PCAT7: variants seen among roughly 807,000 people sequenced by gnomAD.
PCAT7 encodes prostate cancer associated transcript 7 (non-protein coding).
chr9:94,567,605 G>A lies in PCAT7; in HGVS notation n.442-5374G>A, dbSNP rs1827210323. The A allele has an allele frequency of 2.0e-5, 11 of 560,092 alleles. 1 individual carries two copies. In the East Asian group the frequency reaches 3.1e-4, roughly 16 times the overall value. The allele number at this position is 560,092 out of a possible 1,614,324, so 34.7% of individuals were successfully genotyped here. ...GGACCATATGGAGCCCACACAGGAAGCTCTAGCAGTAACACAGCAAGCAGG... is the reference window on the plus strand; with the variant it reads ...GGACCATATGGAGCCCACACAGGAAACTCTAGCAGTAACACAGCAAGCAGG... On this transcript the variant is annotated intron_variant and non_coding_transcript_variant, in intron 2 of 8. Coordinates refer to ENST00000647389, the Ensembl canonical transcript of PCAT7.
upstream of PCAT7, chr9:94,554,913 T>A (rs1478542925): frequency 6.6e-6 from 1 of 152,302 alleles, no homozygotes; most frequent in Admixed American, 6.5e-5. Flanking sequence ...CTCAGCATGC[T>A]TTATATACTG....
intron 2 of PCAT7, among the ~76,000 whole-genome samples, chr9:94,566,475 T>A (rs1373209893): frequency 6.6e-6 from 1 of 152,274 alleles, no homozygotes; most frequent in East Asian, 1.9e-4. Flanking sequence ...CATCCCTTCC[T>A]TTCCCATAAG....
chr9:94,572,090 G>GT (rs1290179071), intron 2 of PCAT7, among the ~76,000 whole-genome samples: 1 of 152,148 alleles, frequency 6.6e-6, no homozygotes, highest in African/African-American at 2.4e-5. Context: ...AACTCGCCCA[G>GT]CAGCAGGAAG....
At chr9:94,560,804 T>C (rs911859818) in intron 2 of PCAT7, among the ~76,000 whole-genome samples, 1 of 149,940 alleles carries the variant, frequency 6.7e-6, no homozygotes, top group African/African-American at 2.4e-5. Flanking sequence ...TTATATATAT[T>C]AAGGAGAGGA....
At chr9:94,571,174 TAAGCCA>T (rs1011615588) in intron 2 of PCAT7, among the ~76,000 whole-genome samples, 7 of 152,174 alleles carry the variant, frequency 4.6e-5, no homozygotes, top group Non-Finnish European at 1.0e-4. Context: ...GGCATTCTCA[TAAGCCA>T]AAGAGATTGA....
At chr9:94,561,631 C>T (rs1226774142) in intron 2 of PCAT7, among the ~76,000 whole-genome samples, 1 of 152,086 alleles carries the variant, frequency 6.6e-6, no homozygotes, top group Admixed American at 6.5e-5. Context: ...TCCCAAAGTA[C>T]TAGGATTACA....
At chr9:94,561,870 A>G (rs568125141) in intron 2 of PCAT7, among the ~76,000 whole-genome samples, 6 of 152,302 alleles carry the variant, frequency 3.9e-5, no homozygotes, top group African/African-American at 9.6e-5. Flanking sequence ...AGATCTATCT[A>G]TGGAGTGACA....
chr9:94,567,325 G>C, intron 2 of PCAT7: 2 of 1,614,104 alleles, frequency 1.2e-6, no homozygotes, highest in South Asian at 2.2e-5. Context: ...AAAATACTTG[G>C]CATAGCCCTC....
At chr9:94,568,018 CT>C (rs1789921043) in intron 2 of PCAT7, 1 of 151,910 alleles carries the variant, frequency 6.6e-6, no homozygotes, top group Non-Finnish European at 1.5e-5. Context: ...GTCCCAGCTA[CT>C]CGGGGGGCTG....
intron 2 of PCAT7, among the ~76,000 whole-genome samples, chr9:94,561,584 C>A (rs1827104211): frequency 6.6e-6 from 1 of 151,958 alleles, no homozygotes; most frequent in Non-Finnish European, 1.5e-5. Flanking sequence ...CCAGGATGGT[C>A]TCGATCTTCT....
chr9:94,558,406 T>C (rs1460296653), intron 1 of PCAT7, among the ~76,000 whole-genome samples: 1 of 152,196 alleles, frequency 6.6e-6, no homozygotes, highest in Non-Finnish European at 1.5e-5. Flanking sequence ...GCCATTCTCC[T>C]GCCTCAGCCT....
At chr9:94,565,354 G>A (rs964295085) in intron 2 of PCAT7, among the ~76,000 whole-genome samples, 1 of 120,546 alleles carries the variant, frequency 8.3e-6, no homozygotes, top group Non-Finnish European at 1.6e-5. Context: ...TGGAGACAGA[G>A]CAAGACTCCA....
At chr9:94,560,742 A>C (rs1827086079) in intron 2 of PCAT7, among the ~76,000 whole-genome samples, 1 of 147,896 alleles carries the variant, frequency 6.8e-6, no homozygotes, top group African/African-American at 2.5e-5. Flanking sequence ...ATTTACATAT[A>C]ATATGTTATA....
At chr9:94,556,169 G>A (rs536212887) in intron 1 of PCAT7, among the ~76,000 whole-genome samples, 3 of 151,606 alleles carry the variant, frequency 2.0e-5, no homozygotes, top group Non-Finnish European at 4.4e-5. Flanking sequence ...AAAGAGGGTG[G>A]TGAGCAGCAG....
intron 2 of PCAT7, among the ~76,000 whole-genome samples, chr9:94,564,512 C>G (rs1827157406): frequency 6.6e-6 from 1 of 152,134 alleles, no homozygotes; most frequent in Non-Finnish European, 1.5e-5. Flanking sequence ...TTTGCAGGAA[C>G]ATGGGTGGAG....
At chr9:94,554,728 TC>T (rs1482293068), upstream of PCAT7, among the ~76,000 whole-genome samples, 10 of 152,088 alleles carry the variant, frequency 6.6e-5, no homozygotes, top group Non-Finnish European at 1.5e-5. Context: ...GCTGCTAGCC[TC>T]CCTCCTACCG....
In PCAT7 at chr9:94,561,930, C is replaced by T. The variant is rs1192455438; in HGVS notation, n.441+2778C>T. ...GATCCCATGTGAGTATTTTCTGACT[C>T]ATTTACGATCATTTGAATAATTAGT... On this transcript the variant is annotated intron_variant and non_coding_transcript_variant, in intron 2 of 8. Transcript: ENST00000647389. Among the ~76,000 whole-genome samples the T allele has an allele frequency of 2.6e-5, 4 of 152,170 alleles. No individual in the cohort carries two copies. The East Asian group carries it at 7.7e-4, about 29-fold the overall frequency.
At chr9:94,561,121 T>C (rs1308880813) in intron 2 of PCAT7, among the ~76,000 whole-genome samples, 1 of 152,100 alleles carries the variant, frequency 6.6e-6, no homozygotes, top group Non-Finnish European at 1.5e-5. Flanking sequence ...TCTCCCCTTT[T>C]ATGTGGGGGA....
At chr9:94,567,694 T>C in intron 2 of PCAT7, 1 of 350,492 alleles carries the variant, frequency 2.9e-6, no homozygotes, top group Non-Finnish European at 5.2e-6. Context: ...CCACTGTCAG[T>C]GAGGCTCCTC....
Sources: gnomAD v4.1 joint callset for allele counts (sites outside exome capture counted in the v4.1 genomes callset) on GRCh38, gnomAD v4.1.1 for gene constraint, MANE v1.5 for transcripts, NCBI Gene and HGNC (gene_info 2026-07-23, HGNC 2026-07-21) for gene names.